SUGCT: variants seen among roughly 807,000 people sequenced by gnomAD.
The protein encoded by SUGCT is succinyl-CoA:glutarate-CoA transferase.
In SUGCT, 41 loss-of-function variants were observed where a neutral mutation model predicts 55.0. That is an observed-to-expected ratio of 0.74 (90% confidence interval 0.58 to 0.97). The LOEUF (loss-of-function observed/expected upper bound fraction) is 0.97. Among genes scored for constraint, SUGCT ranks in the 50% least tolerant of loss-of-function variants. The pLI is 0.00. For synonymous variants in SUGCT, 187 were observed against 200.4 expected (o/e 0.93, Z 0.56); for missense variants, 568 against 547.8 (o/e 1.04, Z -0.37).
At chr7:40,190,012 A>G (rs1035118521) in intron 5 of SUGCT, among the ~76,000 whole-genome samples, 11 of 152,170 alleles carry the variant, frequency 7.2e-5, no homozygotes, top group Non-Finnish European at 1.3e-4. Flanking sequence ...TCTGGGTCAC[A>G]TCACTGGAAA....
intron 12 of SUGCT, among the ~76,000 whole-genome samples, chr7:40,599,303 C>T (rs376520616): frequency 4.0e-4 from 61 of 152,102 alleles, no homozygotes; most frequent in African/African-American, 1.1e-3. Context: ...TTAAATTGTT[C>T]GCTGTAAATT....
In SUGCT at chr7:40,250,828, C is replaced by CTTCTTTTTTTTT. The variant is rs1253390486; in HGVS notation, c.576+13104_576+13105insCTTTTTTTTTTT. ...AAGATGTTGAAGTCATTTCACGCTTCTTTTTTTTTTTTTTTTTTTTTTTTT... is the reference window on the plus strand; with the variant it reads ...AAGATGTTGAAGTCATTTCACGCTTCTTCTTTTTTTTTTTTTTTTTTTTTTTTTTTTTTTTTT... On this transcript the variant is annotated intron_variant, in intron 7 of 13. Transcript: ENST00000335693. Among the ~76,000 whole-genome samples, 50 of 121,224 alleles carry CTTCTTTTTTTTT rather than the reference C, an allele frequency of 4.1e-4. 1 individual carries two copies. Among genetic ancestry groups the CTTCTTTTTTTTT allele is most frequent in the African/African-American group, 1.7e-3 (46 of 27,414 alleles). 79.5% of individuals were successfully genotyped at this position (121,224 alleles called of 152,430 possible).
intron 1 of SUGCT, chr7:40,153,466 C>T (rs1017362515): frequency 5.6e-6 from 2 of 359,860 alleles, no homozygotes; most frequent in African/African-American, 4.3e-5. Context: ...GTGGGCATGG[C>T]ATTGACTAAA....
the SUGCT span, among the ~76,000 whole-genome samples, chr7:40,946,858 AC>A: frequency 7.0e-4 from 107 of 152,284 alleles, no homozygotes; most frequent in African/African-American, 2.1e-3. Flanking sequence ...TTTGTATTTC[AC>A]GACTTGCTTC....
In SUGCT at chr7:40,576,411, T is replaced by C. The variant is rs1380228391; in HGVS notation, c.1089+80025T>C. Among the ~76,000 whole-genome samples the C allele has an allele frequency of 2.6e-5, 4 of 152,170 alleles. No homozygotes were observed. In the South Asian group the frequency reaches 8.3e-4, roughly 32 times the overall value. On this transcript the variant is annotated intron_variant, in intron 12 of 13. Coordinates refer to ENST00000335693, the MANE Select transcript of SUGCT (RefSeq NM_001193313.2). ...TCACCAGAGGAAAATGTTTCTTCCA[T>C]ATGGTTTGCTTAGAAGCTATTTTGT...
the SUGCT span, among the ~76,000 whole-genome samples, chr7:40,894,400 G>A: frequency 6.6e-6 from 1 of 152,090 alleles, no homozygotes; most frequent in African/African-American, 2.4e-5. Flanking sequence ...TCTGGACATA[G>A]GACCTGGCAA....
intron 6 of SUGCT, among the ~76,000 whole-genome samples, chr7:40,203,297 G>T (rs1359388555): frequency 1.3e-5 from 2 of 152,218 alleles, no homozygotes; most frequent in Non-Finnish European, 2.9e-5. Context: ...CTGTGCTAGT[G>T]TTCTGGCACT....
chr7:40,801,560 A>G (rs1790817032), intron 13 of SUGCT, among the ~76,000 whole-genome samples: 1 of 152,198 alleles, frequency 6.6e-6, no homozygotes, highest in South Asian at 2.1e-4. Context: ...GGTTGGGAGA[A>G]GCTGGCAATA....
intron 6 of SUGCT, among the ~76,000 whole-genome samples, chr7:40,227,997 C>G (rs1461423086): frequency 1.3e-5 from 2 of 152,074 alleles, no homozygotes; most frequent in Non-Finnish European, 2.9e-5. Context: ...ATTCTCCTGC[C>G]TCAGCCTCCC....
Position 40,533,100 on chromosome 7 carries a change from C to T in SUGCT, c.1089+36714C>T, listed in dbSNP as rs543053705. On this transcript the variant is annotated intron_variant, in intron 12 of 13. Transcript: ENST00000335693. ...GCTAAAGTAATATGCCCTGTAATAGCCATGAAATACAAGTAGCATTATTTT... is the reference window on the plus strand; with the variant it reads ...GCTAAAGTAATATGCCCTGTAATAGTCATGAAATACAAGTAGCATTATTTT... Among the ~76,000 whole-genome samples the T allele has an allele frequency of 4.6e-5, 7 of 152,126 alleles. No individual in the cohort carries two copies. In the East Asian group the frequency reaches 1.2e-3, roughly 25 times the overall value.
intron 12 of SUGCT, among the ~76,000 whole-genome samples, chr7:40,522,933 A>G (rs1237792263): frequency 6.6e-6 from 1 of 152,124 alleles, no homozygotes; most frequent in Non-Finnish European, 1.5e-5. Context: ...AGTCTGTTAC[A>G]AAAAATACAT....
intron 12 of SUGCT, among the ~76,000 whole-genome samples, chr7:40,545,091 A>G (rs1794919886): frequency 6.6e-6 from 1 of 152,196 alleles, no homozygotes; most frequent in South Asian, 2.1e-4. Flanking sequence ...AGCTGGTGGA[A>G]AAATAGCCTG....
intron 12 of SUGCT, among the ~76,000 whole-genome samples, chr7:40,692,247 G>A (rs561471401): frequency 1.3e-5 from 2 of 152,292 alleles, no homozygotes; most frequent in Non-Finnish European, 2.9e-5. Context: ...TGCAGACAAG[G>A]TAACAATTCT....
At chr7:40,630,787 G>A (rs1358265757) in intron 12 of SUGCT, among the ~76,000 whole-genome samples, 2 of 147,360 alleles carry the variant, frequency 1.4e-5, no homozygotes, top group African/African-American at 2.5e-5. Flanking sequence ...GTATAATAAA[G>A]TATATTCAAG....
At chr7:40,339,713 C>T (rs1431494406) in intron 9 of SUGCT, among the ~76,000 whole-genome samples, 1 of 152,186 alleles carries the variant, frequency 6.6e-6, no homozygotes, top group Non-Finnish European at 1.5e-5. Context: ...TGATGCTTCA[C>T]CTTGCCTTGG....
the SUGCT span, among the ~76,000 whole-genome samples, chr7:40,902,752 G>C: frequency 2.6e-5 from 4 of 152,040 alleles, no homozygotes; most frequent in African/African-American, 9.7e-5. Context: ...GTCTCTCTCT[G>C]TCTCTGTAAG....
chr7:40,774,510 G>C (rs1789349905), intron 13 of SUGCT, among the ~76,000 whole-genome samples: 1 of 152,148 alleles, frequency 6.6e-6, no homozygotes, highest in Non-Finnish European at 1.5e-5. Context: ...GTGGAGATGG[G>C]AGATTGCTGA....
intron 9 of SUGCT, among the ~76,000 whole-genome samples, chr7:40,338,380 T>C (rs1197655447): frequency 6.6e-6 from 1 of 152,234 alleles, no homozygotes; most frequent in Non-Finnish European, 1.5e-5. Context: ...CACTTTCAGG[T>C]ACACCAATCA....
intron 12 of SUGCT, among the ~76,000 whole-genome samples, chr7:40,623,786 C>A (rs912049496): frequency 1.8e-4 from 27 of 152,122 alleles, no homozygotes; most frequent in African/African-American, 6.3e-4. Flanking sequence ...GGATGGCATA[C>A]GAGAGAATTA....
Sources: gnomAD v4.1 joint callset for allele counts (sites outside exome capture counted in the v4.1 genomes callset) on GRCh38, gnomAD v4.1.1 for gene constraint, MANE v1.5 for transcripts, NCBI Gene and HGNC (gene_info 2026-07-23, HGNC 2026-07-21) for gene names.